The following SYN3 variants were observed in gnomAD, a reference collection of about 807,000 sequenced individuals.
The protein encoded by SYN3 is synapsin-3.
A neutral mutation model predicts 65.8 loss-of-function variants in SYN3; 35 were observed. The observed-to-expected ratio is 0.53, with a 90% CI of 0.41 to 0.70. The LOEUF is 0.70. SYN3 is among the 30% of genes least tolerant of loss of function. SYN3 has a pLI of 0.00. For missense variants in SYN3, 680 were observed against 749.0 expected (o/e 0.91, Z 1.08); for synonymous variants, 270 against 292.9 (o/e 0.92, Z 0.80).
At chr22:32,859,046 T>C in intron 6 of SYN3, 1 of 798,510 alleles carries the variant, frequency 1.3e-6, no homozygotes, top group Non-Finnish European at 2.2e-6. Context: ...GCTATTTATA[T>C]TATGATCACT....
At chr22:32,963,150 C>T (rs973719987) in intron 3 of SYN3, among the ~76,000 whole-genome samples, 1 of 150,398 alleles carries the variant, frequency 6.6e-6, no homozygotes, top group African/African-American at 2.4e-5. Flanking sequence ...AATCTCGGCT[C>T]ACTGCAATCT....
chr22:32,626,078 G>C (rs1053153573), intron 6 of SYN3, among the ~76,000 whole-genome samples: 1 of 152,140 alleles, frequency 6.6e-6, no homozygotes, highest in Non-Finnish European at 1.5e-5. Context: ...TGAAATGACC[G>C]TGAAAGGAAA....
intron 6 of SYN3, among the ~76,000 whole-genome samples, chr22:32,667,803 T>C (rs1041383836): frequency 2.0e-5 from 3 of 148,264 alleles, no homozygotes; most frequent in African/African-American, 7.6e-5. Context: ...TCTTTCTTTT[T>C]TTTTTTTTTT....
rs150637325 is a variant in SYN3, at chr22:32,780,215, C to T, written c.711+84700G>A. ...CAGCTGCCAGCTCACTGGTGTGGGA[C>T]GCCATGTCTGGTCTGTGCTTTGCTG... On this transcript the variant is annotated intron_variant, in intron 6 of 13. Transcript: ENST00000358763. Among the ~76,000 whole-genome samples the T allele has an allele frequency of 7.6e-3, 1,151 of 152,222 alleles. 11 individuals carry two copies. Among genetic ancestry groups the T allele is most frequent in the Admixed American group, 0.039 (591 of 15,292 alleles).
chr22:32,993,503 G>A lies in SYN3; in HGVS notation c.312-12801C>T, dbSNP rs1197504075. On this transcript the variant is annotated intron_variant, in intron 2 of 13. Coordinates refer to ENST00000358763, the MANE Select transcript of SYN3 (RefSeq NM_003490.4). ...TGGGACTACAGCATGCCGCCACCAC[G>A]CCCTGCTAATTTTTGTATTTTTAGT... Among the ~76,000 whole-genome samples the A allele has an allele frequency of 3.9e-5, 6 of 152,200 alleles. No homozygotes were observed. The East Asian group carries it at 5.8e-4, about 15-fold the overall frequency.
chr22:32,925,007 G>A (rs1440121390), intron 4 of SYN3, among the ~76,000 whole-genome samples: 2 of 152,084 alleles, frequency 1.3e-5, no homozygotes, highest in African/African-American at 2.4e-5. Flanking sequence ...TGGGTGGACC[G>A]CTTGAGCCCA....
intron 6 of SYN3, among the ~76,000 whole-genome samples, chr22:32,606,000 T>C (rs753281439): frequency 6.1e-4 from 93 of 152,314 alleles, no homozygotes; most frequent in Non-Finnish European, 1.5e-4. Flanking sequence ...TAATAGATTT[T>C]GGTCACTGAG....
At chr22:32,930,398 T>C (rs1017340684) in intron 4 of SYN3, among the ~76,000 whole-genome samples, 15 of 152,200 alleles carry the variant, frequency 9.9e-5, no homozygotes, top group Non-Finnish European at 1.6e-4. Flanking sequence ...TGAGGCCTCC[T>C]CAGCCACGTG....
At chr22:33,013,773 A>G (rs1296058474) in intron 1 of SYN3, among the ~76,000 whole-genome samples, 1 of 150,986 alleles carries the variant, frequency 6.6e-6, no homozygotes, top group Non-Finnish European at 1.5e-5. Context: ...CTCAAATTCT[A>G]TGAGTTCAAT....
In SYN3 at chr22:32,548,024, T is replaced by G. The variant is rs563441812; in HGVS notation, c.775-6311A>C. 4.6e-5 allele frequency among the ~76,000 whole-genome samples: 7 copies of G among 152,338 alleles called. No homozygotes were observed. In the South Asian group the frequency reaches 1.4e-3, roughly 32 times the overall value. On this transcript the variant is annotated intron_variant, in intron 7 of 13. Coordinates refer to ENST00000358763, the MANE Select transcript of SYN3 (RefSeq NM_003490.4). ...CAGGTGTGCACAAGTCATTCTTTCC[T>G]TAACCCATTCCTAATACGAGCTGCT...
chr22:32,551,457 T>C (rs1319104756), intron 7 of SYN3, among the ~76,000 whole-genome samples: 4 of 151,886 alleles, frequency 2.6e-5, no homozygotes, highest in Admixed American at 2.6e-4. Context: ...GGAGCTGCCA[T>C]TGGCCAAATT....
chr22:32,842,424 G>T (rs1006966802), intron 6 of SYN3, among the ~76,000 whole-genome samples: 1 of 152,166 alleles, frequency 6.6e-6, no homozygotes, highest in Admixed American at 6.5e-5. Context: ...CAGAGAGGCA[G>T]CAGATATCTG....
rs113212306 is a variant in SYN3 at position 32,759,575 on chromosome 22, C to T, written c.711+105340G>A. On this transcript the variant is annotated intron_variant, in intron 6 of 13. Transcript: ENST00000358763. ...TTCTGAGACCCTTGTCTTGACAGAG[C>T]TGGTGGTGAGGAGAAATGTCCCCAT... Among the ~76,000 whole-genome samples the T allele has an allele frequency of 1.6e-3, 245 of 152,056 alleles. 3 individuals carry two copies. The highest frequency in any genetic ancestry group is 5.8e-3 in the African/African-American group (241 of 41,444).
At chr22:32,968,270 C>T (rs1443454577) in intron 3 of SYN3, among the ~76,000 whole-genome samples, 1 of 152,168 alleles carries the variant, frequency 6.6e-6, no homozygotes, top group Non-Finnish European at 1.5e-5. Flanking sequence ...TCACTTAACA[C>T]TTATGAAGTC....
intron 6 of SYN3, among the ~76,000 whole-genome samples, chr22:32,722,641 C>A (rs1026881338): frequency 6.6e-6 from 1 of 152,214 alleles, no homozygotes; most frequent in Non-Finnish European, 1.5e-5. Flanking sequence ...GGGCTCCACC[C>A]GTACCCAGAT....
intron 7 of SYN3, among the ~76,000 whole-genome samples, chr22:32,563,704 C>T (rs2058618847): frequency 2.0e-5 from 3 of 152,170 alleles, no homozygotes; most frequent in African/African-American, 4.8e-5. Context: ...GAGTCTCACT[C>T]TGTTACCCAG....
At chr22:32,962,041 C>T (rs2051669854) in intron 3 of SYN3, among the ~76,000 whole-genome samples, 2 of 151,810 alleles carry the variant, frequency 1.3e-5, no homozygotes, top group South Asian at 4.2e-4. Context: ...TGGCTTCTTC[C>T]TACTGAGGCA....
At chr22:32,688,055 G>A (rs1167489702) in intron 6 of SYN3, among the ~76,000 whole-genome samples, 1 of 152,126 alleles carries the variant, frequency 6.6e-6, no homozygotes, top group Non-Finnish European at 1.5e-5. Context: ...AGTCAGTCTT[G>A]TTCAATTCTG....
intron 6 of SYN3, among the ~76,000 whole-genome samples, chr22:32,663,389 C>G (rs1335551823): frequency 6.6e-6 from 1 of 151,726 alleles, no homozygotes; most frequent in Non-Finnish European, 1.5e-5. Flanking sequence ...AGCTCCGCCT[C>G]CCGGGTTCAC....
Sources: gnomAD v4.1 joint callset for allele counts (sites outside exome capture counted in the v4.1 genomes callset) on GRCh38, gnomAD v4.1.1 for gene constraint, MANE v1.5 for transcripts, NCBI Gene and HGNC (gene_info 2026-07-23, HGNC 2026-07-21) for gene names.